ZRANB3: variants seen among roughly 807,000 people sequenced by gnomAD.
ZRANB3 encodes the protein DNA annealing helicase and endonuclease ZRANB3.
A neutral mutation model predicts 133.8 loss-of-function variants in ZRANB3; 125 were observed. The observed-to-expected ratio is 0.93, with a 90% CI of 0.81 to 1.08. The LOEUF (loss-of-function observed/expected upper bound fraction) is 1.08. Ranked by LOEUF, ZRANB3 falls within the 50% of genes least tolerant of loss-of-function variation. ZRANB3 has a pLI of 0.00. For synonymous variants in ZRANB3, 387 were observed against 432.7 expected (o/e 0.89, Z 1.31); for missense variants, 1,229 against 1,275.5 (o/e 0.96, Z 0.56).
intron 2 of ZRANB3, among the ~76,000 whole-genome samples, chr2:135,446,492 A>T (rs1489430008): frequency 6.6e-6 from 1 of 152,174 alleles, no homozygotes; most frequent in East Asian, 1.9e-4. Flanking sequence ...ATAGTGCAGT[A>T]TAGTATGACT....
At chr2:135,420,793 G>T (rs551813467) in intron 2 of ZRANB3, among the ~76,000 whole-genome samples, 1 of 152,176 alleles carries the variant, frequency 6.6e-6, no homozygotes, top group East Asian at 1.9e-4. Context: ...ATTCAAAAGA[G>T]ATATAAGTAC....
chr2:135,261,125 C>T (rs1328261975), intron 12 of ZRANB3, among the ~76,000 whole-genome samples: 2 of 151,566 alleles, frequency 1.3e-5, no homozygotes, highest in African/African-American at 4.8e-5. Context: ...TTTGGTTAAT[C>T]TAGGAAAGTT....
rs966035378 is a variant in ZRANB3 at position 135,488,536 on chromosome 2, C to T, written c.161+15793G>A. On this transcript the variant is annotated intron_variant, in intron 2 of 20. Coordinates refer to ENST00000264159, the MANE Select transcript of ZRANB3 (RefSeq NM_032143.4). ...TGTATAGCATATATATTTGATTATA[C>T]TATATAGCATACTATATTTGAATAT... Among the ~76,000 whole-genome samples, 4 of 151,008 alleles carry T rather than the reference C, an allele frequency of 2.6e-5. No homozygotes were observed. In the South Asian group the frequency reaches 6.2e-4, roughly 24 times the overall value.
At chr2:135,488,401 C>CA (rs1692217023) in intron 2 of ZRANB3, among the ~76,000 whole-genome samples, 1 of 151,914 alleles carries the variant, frequency 6.6e-6, no homozygotes, top group Non-Finnish European at 1.5e-5. Flanking sequence ...AGGAATACCA[C>CA]AAACCTTCAA....
rs574201338 is a variant in ZRANB3 at position 135,526,841 on chromosome 2, C to T, written c.-8+4286G>A. ...TCTGAAGTCTGCTATCTAAGAGCTT[C>T]CTCTGTACAATAAAACTTGGTCTCC... On this transcript the variant is annotated intron_variant, in intron 1 of 20. Transcript: ENST00000264159. 7.2e-5 allele frequency among the ~76,000 whole-genome samples: 11 copies of T among 152,242 alleles called. No homozygotes were observed. In the East Asian group the frequency reaches 2.1e-3, roughly 29 times the overall value.
intron 2 of ZRANB3, among the ~76,000 whole-genome samples, chr2:135,437,040 A>G (rs1574102105): frequency 6.6e-6 from 1 of 152,080 alleles, no homozygotes. Flanking sequence ...GCTCACTGCA[A>G]CCTCCACCTC....
At chr2:135,376,508 T>G (rs1686435943) in intron 3 of ZRANB3, among the ~76,000 whole-genome samples, 1 of 152,142 alleles carries the variant, frequency 6.6e-6, no homozygotes, top group African/African-American at 2.4e-5. Context: ...AAATCAGTGA[T>G]AAAAAGAAAA....
At chr2:135,371,233 T>C (rs1686164609) in intron 3 of ZRANB3, among the ~76,000 whole-genome samples, 2 of 152,322 alleles carry the variant, frequency 1.3e-5, no homozygotes, top group South Asian at 4.1e-4. Context: ...TTTAAACAAC[T>C]GCTAGTCATA....
chr2:135,281,379 T>TTA (rs1681096616), intron 8 of ZRANB3, among the ~76,000 whole-genome samples: 1 of 152,144 alleles, frequency 6.6e-6, no homozygotes, highest in Non-Finnish European at 1.5e-5. Flanking sequence ...TTTAATGTCT[T>TTA]CTTAGTCACA....
chr2:135,214,615 A>G (rs1267646255), intron 17 of ZRANB3, among the ~76,000 whole-genome samples: 1 of 152,186 alleles, frequency 6.6e-6, no homozygotes, highest in Non-Finnish European at 1.5e-5. Context: ...GGTTACAAAA[A>G]TGAGAAAGAT....
At chr2:135,412,247 T>C (rs1405100399) in intron 2 of ZRANB3, among the ~76,000 whole-genome samples, 1 of 152,166 alleles carries the variant, frequency 6.6e-6, no homozygotes, top group Non-Finnish European at 1.5e-5. Context: ...GGGCTAGACA[T>C]GGGCTGCTTC....
At chr2:135,410,797 GCAAAGGGCA>G (rs1267013266) in intron 2 of ZRANB3, among the ~76,000 whole-genome samples, 2 of 152,078 alleles carry the variant, frequency 1.3e-5, no homozygotes, top group Non-Finnish European at 2.9e-5. Flanking sequence ...TGAAAAGTGG[GCAAAGGGCA>G]TGAACAGACA....
rs528870155 is a variant in ZRANB3 at position 135,384,142 on chromosome 2, T to C, written c.180+6660A>G. Among the ~76,000 whole-genome samples the C allele has an allele frequency of 3.3e-5, 5 of 152,030 alleles. No homozygotes were observed. In the South Asian group the frequency reaches 1.0e-3, roughly 32 times the overall value. On this transcript the variant is annotated intron_variant, in intron 3 of 20. Coordinates refer to ENST00000264159, the MANE Select transcript of ZRANB3 (RefSeq NM_032143.4). ...AGAGAGAAGAATCAAATAGATGCAA[T>C]AAAAAATGATAAAGGGGATATCACC... is the stretch of plus-strand genomic sequence containing the variant.
In ZRANB3 at chr2:135,352,098, G is replaced by A. The variant is rs541709930; in HGVS notation, c.359+1352C>T. 2.6e-5 allele frequency among the ~76,000 whole-genome samples: 4 copies of A among 152,108 alleles called. No individual in the cohort carries two copies. In the South Asian group the frequency reaches 6.2e-4, roughly 24 times the overall value. ...TGTAATCCCAGCACTTTGGGAGGCT[G>A]AGGTGGGTGGATCACCTGAGATCAG... On this transcript the variant is annotated intron_variant, in intron 4 of 20. Transcript: ENST00000264159.
chr2:135,327,858 T>G (rs894543306), intron 6 of ZRANB3, among the ~76,000 whole-genome samples: 1 of 152,144 alleles, frequency 6.6e-6, no homozygotes, highest in Non-Finnish European at 1.5e-5. Flanking sequence ...AAAAATTATG[T>G]ATTTTAGTTA....
At chr2:135,510,314 T>A (rs1693394467) in intron 1 of ZRANB3, among the ~76,000 whole-genome samples, 1 of 152,182 alleles carries the variant, frequency 6.6e-6, no homozygotes, top group Admixed American at 6.5e-5. Context: ...GAAAAATCCG[T>A]TACTCCTAAA....
Position 135,458,347 on chromosome 2 carries a change from T to C in ZRANB3, c.161+45982A>G, listed in dbSNP as rs145358074. Among the ~76,000 whole-genome samples the C allele has an allele frequency of 5.1e-4, 77 of 152,216 alleles. 3 individuals are homozygous for C. The East Asian group carries it at 0.014, about 28-fold the overall frequency. On this transcript the variant is annotated intron_variant, in intron 2 of 20. Coordinates refer to ENST00000264159, the MANE Select transcript of ZRANB3 (RefSeq NM_032143.4). ...CTTTCTCAAAATTGTTTTGGCTATCTTGGATCCTTTGCATTTCATATGAAT... is the reference window on the plus strand; with the variant it reads ...CTTTCTCAAAATTGTTTTGGCTATCCTGGATCCTTTGCATTTCATATGAAT...
intron 8 of ZRANB3, among the ~76,000 whole-genome samples, chr2:135,310,601 G>A (rs911676121): frequency 3.3e-5 from 5 of 151,862 alleles, no homozygotes; most frequent in Non-Finnish European, 7.4e-5. Context: ...CATTGTTAAG[G>A]GAATGCTGTC....
chr2:135,215,920 A>C (rs922315073), intron 17 of ZRANB3, among the ~76,000 whole-genome samples: 1 of 152,230 alleles, frequency 6.6e-6, no homozygotes, highest in African/African-American at 2.4e-5. Context: ...TACTTGAGAC[A>C]ATTTAAAATG....
Sources: allele counts gnomAD v4.1 joint callset (sites outside exome capture counted in the v4.1 genomes callset), GRCh38; gene constraint gnomAD v4.1.1; transcripts MANE v1.5; gene names NCBI Gene and HGNC (gene_info 2026-07-23, HGNC 2026-07-21).